USP22: variants seen among roughly 807,000 people sequenced by gnomAD.
USP22 encodes the protein ubiquitin specific peptidase 22.
A neutral mutation model predicts 68.1 loss-of-function variants in USP22; 22 were observed. The observed-to-expected ratio is 0.32, with a 90% CI of 0.23 to 0.46. The LOEUF is 0.46. Ranked by LOEUF, USP22 falls within the 20% of genes least tolerant of loss-of-function variation. The pLI, the probability that USP22 is intolerant of heterozygous loss-of-function variation, is 1.00. For synonymous variants in USP22, 279 were observed against 274.2 expected, an observed-to-expected ratio of 1.02 and a Z score of -0.17; for missense variants, 433 against 695.8, an observed-to-expected ratio of 0.62 and a Z score of 4.25.
chr17:21,040,001 C>A (rs1972406156), intron 1 of USP22, among the ~76,000 whole-genome samples: 1 of 152,106 alleles, frequency 6.6e-6, no homozygotes, highest in Non-Finnish European at 1.5e-5. Context: ...GAGTTCAAGA[C>A]CAGCCTGTGC....
At chr17:21,004,487 G>A (rs1173168092) in intron 11 of USP22, 136 bp from the exon 12 acceptor site, 13 of 1,114,088 alleles carry the variant, frequency 1.2e-5, no homozygotes, top group Non-Finnish European at 1.5e-5. Context: ...GCCTCAGGCT[G>A]ATGCACAGGA....
chr17:21,013,391 C>T (rs540830801), intron 6 of USP22, among the ~76,000 whole-genome samples: 2 of 152,320 alleles, frequency 1.3e-5, no homozygotes, highest in East Asian at 3.9e-4. Context: ...ACAGGCTGTC[C>T]TCATCAGCTA....
chr17:21,008,050 A>C, intron 8 of USP22, 54 bp from the exon 9 acceptor site: 1 of 1,583,356 alleles, frequency 6.3e-7, no homozygotes, highest in Non-Finnish European at 8.6e-7. Flanking sequence ...GAGACAGAAA[A>C]ATGAGAGGAA....
rs1914120977 is a variant in USP22, at chr17:21,015,961, C to T, written c.691-62G>A. The T allele has an allele frequency of 9.0e-6, 14 of 1,552,150 alleles. No homozygotes were observed. The South Asian group carries it at 1.5e-4, about 17-fold the overall frequency. ...AAATGTAGACTCTGAACACAGAGTA[C>T]ACACAATCAAAACCTTTATCAGATG... is the stretch of plus-strand genomic sequence containing the variant. On this transcript the variant is annotated intron_variant, in intron 5 of 12. Coordinates refer to ENST00000261497, the MANE Select transcript of USP22 (RefSeq NM_015276.2).
chr17:21,023,561 C>G (rs1597696573), intron 2 of USP22, among the ~76,000 whole-genome samples: 1 of 148,090 alleles, frequency 6.8e-6, no homozygotes, highest in East Asian at 2.0e-4. Context: ...GGAAGGATGG[C>G]TTGAGCCCGG....
Position 21,021,245 on chromosome 17 carries a change from G to A in USP22, c.305-19C>T, listed in dbSNP as rs568115199. On this transcript the variant is annotated intron_variant, in intron 2 of 12. Transcript: ENST00000261497. The stretch of plus-strand genomic sequence containing the variant: ...TCAATGGCTGAGGAGAGAAAGGAGG[G>A]AGGAGAAACCAAGTTGAATTAAAAA... 7.7e-5 allele frequency: 120 copies of A among 1,556,186 alleles called. 1 individual carries two copies. In the Admixed American group the frequency reaches 1.6e-3, roughly 20 times the overall value.
chr17:21,010,004 A>G (rs1597689751), intron 8 of USP22, among the ~76,000 whole-genome samples: 1 of 151,772 alleles, frequency 6.6e-6, no homozygotes, highest in East Asian at 1.9e-4. Flanking sequence ...TCAGCTGGGC[A>G]TGGTGGCACA....
At chr17:21,025,144 C>T (rs930467080) in intron 2 of USP22, among the ~76,000 whole-genome samples, 2 of 152,140 alleles carry the variant, frequency 1.3e-5, no homozygotes, top group Non-Finnish European at 2.9e-5. Flanking sequence ...CACACGCACA[C>T]ACTGTATACT....
Position 21,006,097 on chromosome 17 carries a change from T to C in USP22, c.1322+799A>G, listed in dbSNP as rs375793222. Among the ~76,000 whole-genome samples, 45 of 152,322 alleles carry C rather than the reference T, an allele frequency of 3.0e-4. No individual in the cohort carries two copies. In the East Asian group the frequency reaches 7.9e-3, roughly 27 times the overall value. ...ACATGGAGCCCTGCCAACACCTTGA[T>C]TTCAGATTTCCAACCTCTAGAACTG... is the stretch of plus-strand genomic sequence containing the variant. On this transcript the variant is annotated intron_variant, in intron 10 of 12. Transcript: ENST00000261497.
At chr17:21,035,826 C>T (rs1463180345) in intron 1 of USP22, among the ~76,000 whole-genome samples, 1 of 151,648 alleles carries the variant, frequency 6.6e-6, no homozygotes, top group Admixed American at 6.6e-5. Flanking sequence ...GTCAGGAGAT[C>T]GAGACCATCC....
intron 5 of USP22, 73 bp downstream of exon 5, chr17:21,017,869 A>C: frequency 6.4e-7 from 1 of 1,567,892 alleles, no homozygotes; most frequent in Non-Finnish European, 8.7e-7. Flanking sequence ...ATCATGGTCC[A>C]CCTTAAATTT....
At position 21,018,047 on chromosome 17, in the gene USP22, G is replaced by C. The variant is rs1194850867; in HGVS notation, c.585C>G (p.Thr195=). ...AGAAGTCCCGCAGAAGTGGCGTGTG[G>C]GTCAGGGCCTGCACGATGCAGTTCA... ...CFMNCIVQAL[T]HTPLLRDFFL... Residue 195 remains threonine, a synonymous_variant, in exon 5 of 13, where the codon ACC becomes ACG. Transcript: ENST00000261497. 7 of 1,613,950 alleles carry C rather than the reference G, an allele frequency of 4.3e-6. No homozygotes were observed. Among genetic ancestry groups the C allele is most frequent in the Non-Finnish European group, 5.9e-6 (7 of 1,180,008 alleles).
intron 2 of USP22, among the ~76,000 whole-genome samples, chr17:21,024,462 CTG>C (rs1289376481): frequency 6.6e-6 from 1 of 152,216 alleles, no homozygotes; most frequent in African/African-American, 2.4e-5. Flanking sequence ...TAGGGTATCT[CTG>C]TAACAAATGC....
intron 5 of USP22, among the ~76,000 whole-genome samples, chr17:21,017,627 T>A (rs969817073): frequency 6.6e-6 from 1 of 152,024 alleles, no homozygotes; most frequent in Non-Finnish European, 1.5e-5. Flanking sequence ...GCCAGGAAGG[T>A]AGACCATGGA....
intron 8 of USP22, among the ~76,000 whole-genome samples, 184 bp from the exon 9 acceptor site, chr17:21,008,180 G>C (rs911796816): frequency 1.3e-5 from 2 of 152,212 alleles, no homozygotes; most frequent in African/African-American, 4.8e-5. Flanking sequence ...TGTCTCTACA[G>C]AATATTTATC....
intron 1 of USP22, among the ~76,000 whole-genome samples, chr17:21,039,187 G>A (rs1346209388): frequency 1.3e-5 from 2 of 151,808 alleles, no homozygotes; most frequent in Admixed American, 6.6e-5. Flanking sequence ...TCCTGACCTC[G>A]TGATCCGCCC....
At chr17:21,003,900 C>CAAAATAAA (rs1913682893) in intron 12 of USP22, among the ~76,000 whole-genome samples, 1 of 113,900 alleles carries the variant, frequency 8.8e-6, no homozygotes. Flanking sequence ...AACTCCGTCT[C>CAAAATAAA]AAAAAAAAAA....
chr17:21,038,665 CAAA>C (rs35897137), intron 1 of USP22, among the ~76,000 whole-genome samples: 2 of 107,696 alleles, frequency 1.9e-5, no homozygotes. Flanking sequence ...GACCCTGTCT[CAAA>C]AAAAAAAAAA....
chr17:21,013,888 C>T (rs1344909005), intron 6 of USP22, among the ~76,000 whole-genome samples: 1 of 152,216 alleles, frequency 6.6e-6, no homozygotes, highest in African/African-American at 2.4e-5. Context: ...TCCTGGCTAA[C>T]ACGGTGAAAC....
Sources: allele counts gnomAD v4.1 joint callset (sites outside exome capture counted in the v4.1 genomes callset), GRCh38; gene constraint gnomAD v4.1.1; transcripts MANE v1.5; gene names NCBI Gene and HGNC (gene_info 2026-07-23, HGNC 2026-07-21).